Variants in PIEZO2 observed in about 807,000 individuals in gnomAD.
PIEZO2 encodes the protein piezo type mechanosensitive ion channel component 2, also known as piezo-type mechanosensitive ion channel component 2.
In PIEZO2, 172 loss-of-function variants were observed where a neutral mutation model predicts 337.3. The ratio of observed to expected loss-of-function variants is 0.51; its 90% CI spans 0.45 to 0.58. PIEZO2 has a LOEUF of 0.58. PIEZO2 is among the 20% of genes least tolerant of loss of function. The probability of loss-of-function intolerance (pLI) is 0.00; values close to 1 mark genes in which losing one functional copy is unlikely to be tolerated. For missense variants in PIEZO2, 3,028 were observed against 3,391.3 expected, an observed-to-expected ratio of 0.89 and a Z score of 2.66; for synonymous variants, 1,251 against 1,228.5, an observed-to-expected ratio of 1.02 and a Z score of -0.38.
At chr18:10,760,022 T>G in intron 24 of PIEZO2, 113 bp from the exon 25 acceptor site, 1 of 900,426 alleles carries the variant, frequency 1.1e-6, no homozygotes, top group Non-Finnish European at 1.7e-6. Context: ...TCAGGGCAAG[T>G]CTGTCTGCAC....
At position 10,828,149 on chromosome 18, in the gene PIEZO2, T is replaced by G. The variant is rs200348152; in HGVS notation, c.918-20875A>C. Among the ~76,000 whole-genome samples, 20,490 of 151,280 alleles carry G rather than the reference T, an allele frequency of 0.14. 1,427 individuals carry two copies. The highest frequency in any genetic ancestry group is 0.19 in the Middle Eastern group (57 of 294). ...TTGTTTGTTTGTTTTTGTTTTTTTT[T>G]TTTTTTACAGTAAAACCAATCCTGT... On this transcript the variant is annotated intron_variant, in intron 7 of 55. Transcript: ENST00000674853. The surrounding 1 kb of genome is among the most constrained non-coding windows in gnomAD (Gnocchi z 4.1).
intron 2 of PIEZO2, among the ~76,000 whole-genome samples, chr18:11,014,237 G>C (rs868434094): frequency 1.3e-5 from 2 of 150,830 alleles, no homozygotes; most frequent in Non-Finnish European, 3.0e-5. Flanking sequence ...CCTCAGTGGG[G>C]AACATGTCAC....
Position 10,784,861 on chromosome 18 carries a change from C to T in PIEZO2, c.2415G>A (p.Leu805=), listed in dbSNP as rs1054671958. Residue 805 remains leucine (L), a synonymous_variant, in exon 17 of 56, where the codon CTG becomes CTA. Coordinates refer to ENST00000674853, the MANE Select transcript of PIEZO2 (RefSeq NM_001378183.1). The surrounding 1 kb of genome is among the most constrained non-coding windows in gnomAD (Gnocchi z 4.5). ...CAAGGAACCGGTCATGGAAGTAGTG[C>T]AGGTGTAAAATGCACACCAGCAGAA... ...TSFLLVCILH[L]HYFHDRFLEL... 8.5e-6 allele frequency: 13 copies of T among 1,537,696 alleles called. No homozygotes were observed. In the East Asian group the frequency reaches 1.2e-4, roughly 14 times the overall value.
At chr18:10,698,522 T>A (rs933874315) in intron 44 of PIEZO2, among the ~76,000 whole-genome samples, 2 of 152,208 alleles carry the variant, frequency 1.3e-5, no homozygotes, top group South Asian at 4.1e-4. Flanking sequence ...GAAATAACCA[T>A]AGTTTGGCTA....
chr18:10,677,979 T>C lies in PIEZO2; in HGVS notation c.7953-104A>G. ...TAATTTGATTAATGTCACCACGTTT[T>C]CATTGGGTCCACAACGGTCAATCCT... On this transcript the variant is annotated intron_variant, in intron 52 of 55. Transcript: ENST00000674853. The surrounding 1 kb of genome is among the most constrained non-coding windows in gnomAD (Gnocchi z 4.1). 1.7e-6 allele frequency: 2 copies of C among 1,168,440 alleles called. No homozygotes were observed. Among genetic ancestry groups the C allele is most frequent in the South Asian group, 3.2e-5 (2 of 61,572 alleles). 72.4% of individuals were successfully genotyped at this position (1,168,440 alleles called of 1,614,324 possible).
intron 3 of PIEZO2, among the ~76,000 whole-genome samples, chr18:10,968,918 T>G (rs949310141): frequency 6.6e-6 from 1 of 152,224 alleles, no homozygotes; most frequent in African/African-American, 2.4e-5. Flanking sequence ...ATATTCTCAA[T>G]ATTCAAAATC....
chr18:11,056,759 C>G (rs543721802), intron 2 of PIEZO2, among the ~76,000 whole-genome samples: 2 of 152,042 alleles, frequency 1.3e-5, no homozygotes, highest in African/African-American at 4.8e-5. Flanking sequence ...AACCAGGCCT[C>G]GCCTGGGCCT....
chr18:10,765,714 A>T (rs992693337), intron 21 of PIEZO2, among the ~76,000 whole-genome samples: 2 of 111,188 alleles, frequency 1.8e-5, no homozygotes, highest in African/African-American at 3.6e-5. Context: ...GTTGACACAG[A>T]TTTTGGGACT....
rs1460598496 is a variant in PIEZO2, at chr18:11,083,417, C to T, written c.65-17195G>A. On this transcript the variant is annotated intron_variant, in intron 1 of 55. Coordinates refer to ENST00000674853, the MANE Select transcript of PIEZO2 (RefSeq NM_001378183.1). This position sits in a 1 kb window ranked among gnomAD's most constrained non-coding sequence, Gnocchi z 4.4. ...AATTCTTGGCGTAGAATGAGAGATC[C>T]GAAGGAGTCCAGGTAAGGGCAGAAA... is the stretch of plus-strand genomic sequence containing the variant. Among the ~76,000 whole-genome samples the T allele has an allele frequency of 1.3e-5, 2 of 152,094 alleles. No homozygotes were observed. The highest frequency in any genetic ancestry group is 4.8e-5 in the African/African-American group (2 of 41,410).
intron 7 of PIEZO2, among the ~76,000 whole-genome samples, chr18:10,827,634 G>C (rs920608110): frequency 8.5e-5 from 13 of 152,154 alleles, no homozygotes; most frequent in African/African-American, 3.1e-4. Flanking sequence ...AACTGCTCTA[G>C]AACTGCCAGA....
At chr18:10,679,124 G>C (rs953100219) in intron 52 of PIEZO2, among the ~76,000 whole-genome samples, 1 of 152,098 alleles carries the variant, frequency 6.6e-6, no homozygotes, top group Non-Finnish European at 1.5e-5. Flanking sequence ...AGTAAAGACA[G>C]AGTTTCGCCA....
At chr18:11,120,085 C>T (rs1412883752) in intron 1 of PIEZO2, among the ~76,000 whole-genome samples, 7 of 152,178 alleles carry the variant, frequency 4.6e-5, no homozygotes, top group African/African-American at 1.4e-4. Context: ...CCAATGTGGT[C>T]GTGTTGCAAT....
chr18:10,930,229 A>G (rs748676115), intron 3 of PIEZO2, among the ~76,000 whole-genome samples: 12 of 152,174 alleles, frequency 7.9e-5, no homozygotes, highest in Non-Finnish European at 7.3e-5. Flanking sequence ...GGAGAGTCTG[A>G]CACCCTTTAA....
chr18:10,804,274 C>G (rs1421357737), intron 8 of PIEZO2, among the ~76,000 whole-genome samples: 1 of 152,200 alleles, frequency 6.6e-6, no homozygotes, highest in East Asian at 1.9e-4. Flanking sequence ...CGTGCATTCT[C>G]AACTGCACTC....
chr18:10,835,536 C>T (rs2040981525), intron 7 of PIEZO2, among the ~76,000 whole-genome samples: 1 of 150,942 alleles, frequency 6.6e-6, no homozygotes, highest in South Asian at 2.1e-4. Flanking sequence ...AGTAAAACTC[C>T]TAACCAAGTT....
rs372441476 is a variant in PIEZO2, at chr18:11,032,093, G to A, written c.160+34034C>T. On this transcript the variant is annotated intron_variant, in intron 2 of 55. Coordinates refer to ENST00000674853, the MANE Select transcript of PIEZO2 (RefSeq NM_001378183.1). This position sits in a 1 kb window ranked among gnomAD's most constrained non-coding sequence, Gnocchi z 4.9. ...TTCAGGACCTGCCATGTACCAAAGC[G>A]TGTGCTACATGGCCCCAATCATGCT... Among the ~76,000 whole-genome samples the A allele has an allele frequency of 2.6e-5, 4 of 152,168 alleles. No individual in the cohort carries two copies. Among genetic ancestry groups the A allele is most frequent in the Admixed American group, 6.5e-5 (1 of 15,280 alleles).
rs1376842793 is a variant in PIEZO2 at position 10,847,361 on chromosome 18, G to A, written c.917+7992C>T. Among the ~76,000 whole-genome samples the A allele has an allele frequency of 1.3e-5, 2 of 152,244 alleles. No individual in the cohort carries two copies. The highest frequency in any genetic ancestry group is 2.9e-5 in the Non-Finnish European group (2 of 68,040). On this transcript the variant is annotated intron_variant, in intron 7 of 55. Transcript: ENST00000674853. This position sits in a 1 kb window ranked among gnomAD's most constrained non-coding sequence, Gnocchi z 5.7. ...TCTTCTCCATAAAAACTGAAAGGAA[G>A]ACCGTGGAGATGCCCTTGGTGGGCA...
rs775088669 is a variant in PIEZO2 at position 10,748,047 on chromosome 18, G to GA, written c.4424+423dup. Among the ~76,000 whole-genome samples, 23 of 152,064 alleles carry GA rather than the reference G, an allele frequency of 1.5e-4. No individual in the cohort carries two copies. Among genetic ancestry groups the GA allele is most frequent in the Non-Finnish European group, 2.8e-4 (19 of 68,004 alleles). On this transcript the variant is annotated intron_variant, in intron 30 of 55. Coordinates refer to ENST00000674853, the MANE Select transcript of PIEZO2 (RefSeq NM_001378183.1). This position sits in a 1 kb window ranked among gnomAD's most constrained non-coding sequence, Gnocchi z 5.1. ...ACTGGAAGAAGAATGGAGCCTAGGG[G>GA]AAAAAACAGGTAGTAATGCAAATTG...
Position 11,108,735 on chromosome 18 carries a change from G to A in PIEZO2, c.64+39790C>T, listed in dbSNP as rs142216130. Among the ~76,000 whole-genome samples, 1,080 of 151,430 alleles carry A rather than the reference G, an allele frequency of 7.1e-3. 8 individuals carry two copies. Among genetic ancestry groups the A allele is most frequent in the African/African-American group, 0.025 (1,024 of 41,236 alleles). ...ACCCACTGTGTGGTGGGTCTGGTCT[G>A]TCTCATGTTAGGGGAAATTGAGGTG... On this transcript the variant is annotated intron_variant, in intron 1 of 55. Transcript: ENST00000674853.
Sources: allele counts gnomAD v4.1 joint callset (sites outside exome capture counted in the v4.1 genomes callset), GRCh38; gene constraint gnomAD v4.1.1; non-coding constraint Gnocchi (gnomAD v3.1); transcripts MANE v1.5; gene names NCBI Gene and HGNC (gene_info 2026-07-23, HGNC 2026-07-21).